Variants in FHOD3 observed in about 807,000 individuals in gnomAD.
FHOD3 encodes FH1/FH2 domain-containing protein 3.
In FHOD3, 90 loss-of-function variants were observed where a neutral mutation model predicts 173.0. The ratio of observed to expected loss-of-function variants is 0.52; its 90% CI spans 0.44 to 0.62. The LOEUF (loss-of-function observed/expected upper bound fraction) is 0.62, where lower values mean the gene tolerates loss of function less well. FHOD3 is among the 20% of genes least tolerant of loss of function. The pLI is 0.00. For synonymous variants in FHOD3, 828 were observed against 823.0 expected, an observed-to-expected ratio of 1.01 and a Z score of -0.10; for missense variants, 1,945 against 2,034.7, an observed-to-expected ratio of 0.96 and a Z score of 0.85.
chr18:36,321,086 T>TTG (rs1679973547), intron 1 of FHOD3, among the ~76,000 whole-genome samples: 1 of 151,754 alleles, frequency 6.6e-6, no homozygotes, highest in South Asian at 2.1e-4. Context: ...ATTTTTTTTT[T>TTG]TTTGCATCAC....
intron 15 of FHOD3, among the ~76,000 whole-genome samples, chr18:36,684,903 G>A (rs2038502872): frequency 6.6e-6 from 1 of 152,080 alleles, no homozygotes; most frequent in African/African-American, 2.4e-5. Flanking sequence ...CCCAGGCTCA[G>A]GTGATCCTCC....
At chr18:36,695,028 G>A (rs2039192395) in intron 17 of FHOD3, among the ~76,000 whole-genome samples, 1 of 151,784 alleles carries the variant, frequency 6.6e-6, no homozygotes, top group African/African-American at 2.4e-5. Context: ...ATTTGGGGAA[G>A]ATATGTCAGT....
At position 36,746,948 on chromosome 18, in the gene FHOD3, G is replaced by A; in HGVS notation, c.4045G>A (p.Asp1349Asn). 6.2e-7 allele frequency: 1 copy of A among 1,606,076 alleles called. No homozygotes were observed. The highest frequency in any genetic ancestry group is 8.5e-7 in the Non-Finnish European group (1 of 1,176,258). ...GTGTTCTCGCTCTGATTTTCAGGTT[G>A]ACTTTGATCAACTTCAGGATAATTT... Reference protein sequence around the residue: ...IGAITRSAKVDFDQLQDNLCQ... With the variant: ...IGAITRSAKVNFDQLQDNLCQ... Residue 1349 changes from aspartate to asparagine, a missense_variant, in exon 24 of 29, where the codon GAC becomes AAC. Transcript: ENST00000590592.
intron 5 of FHOD3, among the ~76,000 whole-genome samples, chr18:36,566,650 A>G (rs1331797922): frequency 6.6e-6 from 1 of 152,172 alleles, no homozygotes; most frequent in Non-Finnish European, 1.5e-5. Flanking sequence ...TTTGAAAAGG[A>G]GTGGGCATCA....
At chr18:36,560,060 A>G (rs2058033919) in intron 5 of FHOD3, among the ~76,000 whole-genome samples, 1 of 152,156 alleles carries the variant, frequency 6.6e-6, no homozygotes, top group Non-Finnish European at 1.5e-5. Context: ...TGCTTGTCCA[A>G]ATTTTCAGGA....
chr18:36,648,340 C>A (rs2035826355), intron 10 of FHOD3, among the ~76,000 whole-genome samples: 1 of 152,118 alleles, frequency 6.6e-6, no homozygotes, highest in Non-Finnish European at 1.5e-5. Flanking sequence ...AGAAGCCCAG[C>A]AGGGCATTGA....
At chr18:36,695,484 T>C (rs563428868) in intron 17 of FHOD3, among the ~76,000 whole-genome samples, 45 of 152,344 alleles carry the variant, frequency 3.0e-4, no homozygotes, top group Non-Finnish European at 8.8e-5. Context: ...ATACTGGGCT[T>C]GAATCTGCAT....
chr18:36,443,379 G>A (rs1205607441), intron 3 of FHOD3, among the ~76,000 whole-genome samples: 1 of 152,114 alleles, frequency 6.6e-6, no homozygotes, highest in African/African-American at 2.4e-5. Context: ...TGAACTCATG[G>A]ATATTTGTTT....
chr18:36,628,463 A>G (rs1357222261), intron 10 of FHOD3, among the ~76,000 whole-genome samples: 17 of 152,220 alleles, frequency 1.1e-4, no homozygotes, highest in Non-Finnish European at 5.9e-5. Flanking sequence ...AAAGACTTGG[A>G]GAGAAATGCT....
At chr18:36,310,475 C>A (rs2092226403) in intron 1 of FHOD3, among the ~76,000 whole-genome samples, 1 of 151,944 alleles carries the variant, frequency 6.6e-6, no homozygotes, top group Non-Finnish European at 1.5e-5. Context: ...CACCTGAGGT[C>A]AGGAGTTTGG....
intron 19 of FHOD3, among the ~76,000 whole-genome samples, chr18:36,724,291 T>C (rs916195757): frequency 6.6e-6 from 1 of 152,192 alleles, no homozygotes; most frequent in African/African-American, 2.4e-5. Flanking sequence ...TAGAAAATAT[T>C]CCTATTACCA....
intron 1 of FHOD3, 129 bp downstream of exon 1, chr18:36,298,129 G>C: frequency 3.9e-6 from 3 of 775,216 alleles, no homozygotes; most frequent in Non-Finnish European, 5.6e-6. Flanking sequence ...ACCATCGCTC[G>C]AGGGCAAATC....
intron 8 of FHOD3, among the ~76,000 whole-genome samples, chr18:36,605,524 A>C (rs981218288): frequency 2.0e-5 from 3 of 152,188 alleles, no homozygotes; most frequent in Admixed American, 2.0e-4. Flanking sequence ...CATTCATTCA[A>C]ATGTAATCCT....
At chr18:36,483,008 T>G (rs1599328054) in intron 3 of FHOD3, among the ~76,000 whole-genome samples, 2 of 152,142 alleles carry the variant, frequency 1.3e-5, no homozygotes. Context: ...GACCCATGCC[T>G]GTGTGGGCTC....
At chr18:36,653,079 G>A in intron 12 of FHOD3, 150 bp downstream of exon 12, 1 of 1,059,420 alleles carries the variant, frequency 9.4e-7, no homozygotes, top group Non-Finnish European at 1.3e-6. Context: ...TTAAGTTGCT[G>A]ACCCCTGACT....
At chr18:36,767,618 C>A (rs1243212626) in intron 27 of FHOD3, among the ~76,000 whole-genome samples, 2 of 152,174 alleles carry the variant, frequency 1.3e-5, no homozygotes, top group African/African-American at 4.8e-5. Context: ...CTGCACCCAG[C>A]CAACAAAAAT....
intron 10 of FHOD3, among the ~76,000 whole-genome samples, chr18:36,641,530 T>C (rs2035306123): frequency 1.3e-5 from 2 of 152,190 alleles, no homozygotes; most frequent in African/African-American, 4.8e-5. Flanking sequence ...TTTGGGTAGC[T>C]TGGGCCCCAT....
intron 1 of FHOD3, among the ~76,000 whole-genome samples, chr18:36,323,154 C>T (rs2044489538): frequency 6.6e-6 from 1 of 152,120 alleles, no homozygotes; most frequent in African/African-American, 2.4e-5. Context: ...GGGCTTGGCC[C>T]ACTCAGAAAG....
intron 17 of FHOD3, among the ~76,000 whole-genome samples, chr18:36,706,088 C>A (rs1184703723): frequency 6.6e-6 from 1 of 151,648 alleles, no homozygotes; most frequent in Non-Finnish European, 1.5e-5. Context: ...TCAGGGCTGT[C>A]CTGGGTGCTT....
Sources: allele counts gnomAD v4.1 joint callset (sites outside exome capture counted in the v4.1 genomes callset), GRCh38; gene constraint gnomAD v4.1.1; transcripts MANE v1.5; gene names NCBI Gene and HGNC (gene_info 2026-07-23, HGNC 2026-07-21).